The following PRSS38 variants were observed in gnomAD, a reference collection of about 807,000 sequenced individuals.
PRSS38 encodes the protein serine protease 38, also known as marapsin 2.
PRSS38 carries 22 observed loss-of-function variants against 26.8 expected under a neutral mutation model. The ratio of observed to expected loss-of-function variants is 0.82; its 90% CI spans 0.59 to 1.17. The LOEUF is 1.17. Ranked by LOEUF, PRSS38 falls within the 50% of genes most tolerant of loss-of-function variation. PRSS38 has a pLI of 0.00. For synonymous variants in PRSS38, 175 were observed against 172.1 expected, an observed-to-expected ratio of 1.02 and a Z score of -0.13; for missense variants, 427 against 422.7, an observed-to-expected ratio of 1.01 and a Z score of -0.09.
At chr1:227,817,470 C>G (rs1253963570) in exon 3 of PRSS38, 2 of 1,614,118 alleles carry the variant, frequency 1.2e-6, no homozygotes, top group South Asian at 1.1e-5. Flanking sequence ...GGGGACTAGT[C>G]TCAAAACAAG....
chr1:227,836,014 G>T (rs935601716), intron 3 of PRSS38, among the ~76,000 whole-genome samples: 1 of 152,134 alleles, frequency 6.6e-6, no homozygotes, highest in African/African-American at 2.4e-5. Context: ...GTGGCAGGAC[G>T]ATAGCTTAAG....
rs767844399 is a variant in PRSS38, at chr1:227,816,050, C to T, written c.149-40C>T. 2.5e-6 allele frequency: 4 copies of T among 1,588,240 alleles called. No individual in the cohort carries two copies. In the Admixed American group the frequency reaches 5.1e-5, roughly 20 times the overall value. On this transcript the variant is annotated intron_variant, in intron 1 of 4. Coordinates refer to ENST00000366757, the Ensembl canonical transcript of PRSS38. This position sits in a 1 kb window ranked among gnomAD's most constrained non-coding sequence, Gnocchi z 5.1. ...CCTGCCTGCCCTACCTCTCCCGTGG[C>T]CCCAGCATGGCTCCACCGTCAGCTC...
intron 3 of PRSS38, among the ~76,000 whole-genome samples, chr1:227,844,737 T>C (rs1287679444): frequency 6.7e-6 from 1 of 149,666 alleles, no homozygotes; most frequent in Non-Finnish European, 1.5e-5. Flanking sequence ...CTCCTCCCTA[T>C]GTGTGGTGAG....
intron 3 of PRSS38, among the ~76,000 whole-genome samples, chr1:227,841,031 G>A (rs762907891): frequency 6.6e-6 from 1 of 152,210 alleles, no homozygotes; most frequent in Non-Finnish European, 1.5e-5. Context: ...TACCATTTCT[G>A]TATCATTTTA....
intron 3 of PRSS38, among the ~76,000 whole-genome samples, chr1:227,839,880 A>G (rs1020387997): frequency 1.3e-5 from 2 of 152,222 alleles, no homozygotes; most frequent in Non-Finnish European, 2.9e-5. Flanking sequence ...AGGTGCCAAC[A>G]GCCACACCCT....
At chr1:227,845,507 G>A (rs368820184) in exon 4 of PRSS38, 95 of 1,612,776 alleles carry the variant, frequency 5.9e-5, no homozygotes, top group Non-Finnish European at 7.5e-5. Context: ...TGCAGCTCCC[G>A]CTGATCCTGG....
At chr1:227,824,656 C>T (rs2102675916) in intron 3 of PRSS38, among the ~76,000 whole-genome samples, 1 of 152,262 alleles carries the variant, frequency 6.6e-6, no homozygotes, top group South Asian at 2.1e-4. Context: ...CTGTCTTCTG[C>T]AATGGTTGAA....
At chr1:227,831,632 C>T (rs777947219) in intron 3 of PRSS38, among the ~76,000 whole-genome samples, 6 of 152,098 alleles carry the variant, frequency 3.9e-5, no homozygotes, top group Non-Finnish European at 7.4e-5. Context: ...CCCAACACTC[C>T]ACAAGGTCAG....
Position 227,829,224 on chromosome 1 carries a change from T to G in PRSS38, c.583+11744T>G, listed in dbSNP as rs1280836991. 3.3e-5 allele frequency among the ~76,000 whole-genome samples: 5 copies of G among 152,214 alleles called. No individual in the cohort carries two copies. The East Asian group carries it at 9.6e-4, about 29-fold the overall frequency. Reference sequence around the variant, plus strand: ...CGCAGCTGCTTCCAATTGGCCATTTTAGTCTTGTACTAATTTTCATTTCCA... The same window carrying G: ...CGCAGCTGCTTCCAATTGGCCATTTGAGTCTTGTACTAATTTTCATTTCCA... On this transcript the variant is annotated intron_variant, in intron 3 of 4. Transcript: ENST00000366757.
At chr1:227,822,908 A>C (rs1332066720) in intron 3 of PRSS38, among the ~76,000 whole-genome samples, 1 of 152,194 alleles carries the variant, frequency 6.6e-6, no homozygotes, top group African/African-American at 2.4e-5. Flanking sequence ...TTTTCTAAAA[A>C]TCTTTTCCAA....
At position 227,815,876 on chromosome 1, in the gene PRSS38, C is replaced by CAGTGGATGGGCCCAT. The variant is rs769486504; in HGVS notation, c.148+12_148+13insAGTGGATGGGCCCAT. The CAGTGGATGGGCCCAT allele has an allele frequency of 1.7e-5, 27 of 1,592,212 alleles. No homozygotes were observed. The highest frequency in any genetic ancestry group is 2.1e-5 in the Non-Finnish European group (24 of 1,164,992). ...AACTGGCAGCGTGGGTAGGCCCTGC[C>CAGTGGATGGGCCCAT]CCAGGGGCGGATGGGCGGCTGGAGA... On this transcript the variant is annotated intron_variant, in intron 1 of 4. Coordinates refer to ENST00000366757, the Ensembl canonical transcript of PRSS38.
At position 227,816,623 on chromosome 1, in the gene PRSS38, G is replaced by A. The variant is rs74443680; in HGVS notation, c.311+371G>A. ...TGCAAGGCTGGTCCCCTAAGTGCAC[G>A]ACCAGGTCCCCACGAGTGAGGCTGG... is the stretch of plus-strand genomic sequence containing the variant. On this transcript the variant is annotated intron_variant, in intron 2 of 4. Transcript: ENST00000366757. This position sits in a 1 kb window ranked among gnomAD's most constrained non-coding sequence, Gnocchi z 5.1. 0.012 allele frequency among the ~76,000 whole-genome samples: 1,771 copies of A among 151,968 alleles called. 39 individuals carry two copies. The highest frequency in any genetic ancestry group is 0.039 in the African/African-American group (1,633 of 41,382).
At chr1:227,835,649 G>A (rs917531067) in intron 3 of PRSS38, among the ~76,000 whole-genome samples, 10 of 152,148 alleles carry the variant, frequency 6.6e-5, no homozygotes, top group East Asian at 1.9e-4. Flanking sequence ...AATGGAATAC[G>A]TGCTACAACA....
intron 3 of PRSS38, among the ~76,000 whole-genome samples, chr1:227,818,872 A>G (rs1347057919): frequency 6.6e-6 from 1 of 152,180 alleles, no homozygotes; most frequent in African/African-American, 2.4e-5. Context: ...TGATGTGGCC[A>G]TAAAACACTC....
chr1:227,826,753 T>C (rs1213927449), intron 3 of PRSS38, among the ~76,000 whole-genome samples: 3 of 151,936 alleles, frequency 2.0e-5, no homozygotes, highest in Admixed American at 1.3e-4. Flanking sequence ...GGCATTCTCT[T>C]GTGACGGTTT....
chr1:227,822,078 T>C (rs1665011042), intron 3 of PRSS38, among the ~76,000 whole-genome samples: 1 of 152,182 alleles, frequency 6.6e-6, no homozygotes, highest in South Asian at 2.1e-4. Flanking sequence ...ATCTTCAAGT[T>C]CACCTATGCT....
chr1:227,845,918 C>A, intron 4 of PRSS38, 36 bp from the exon 5 acceptor site: 1 of 1,609,890 alleles, frequency 6.2e-7, no homozygotes, highest in Non-Finnish European at 8.5e-7. Flanking sequence ...AGGCCTGGGA[C>A]TCCCAGTTCA....
At chr1:227,841,065 T>G (rs1558237730) in intron 3 of PRSS38, among the ~76,000 whole-genome samples, 1 of 152,244 alleles carries the variant, frequency 6.6e-6, no homozygotes, top group African/African-American at 2.4e-5. Context: ...GAATGCTGCA[T>G]TATAAAGAGT....
rs935122450 is a variant in PRSS38, at chr1:227,839,799, A to G, written c.584-5671A>G. Among the ~76,000 whole-genome samples the G allele has an allele frequency of 1.5e-4, 23 of 152,218 alleles. No individual in the cohort carries two copies. The East Asian group carries it at 1.7e-3, about 12-fold the overall frequency. On this transcript the variant is annotated intron_variant, in intron 3 of 4. Transcript: ENST00000366757. ...TGTTGAGGGACAGCACCCCGAGGGT[A>G]CTTAGAGTCACCGTCATCCAGCAGA...
Sources: gnomAD v4.1 joint callset for allele counts (sites outside exome capture counted in the v4.1 genomes callset) on GRCh38, gnomAD v4.1.1 for gene constraint, Gnocchi (gnomAD v3.1) non-coding constraint, MANE v1.5 for transcripts, NCBI Gene and HGNC (gene_info 2026-07-23, HGNC 2026-07-21) for gene names.